CFAP54: variants seen among roughly 807,000 people sequenced by gnomAD.
The protein encoded by CFAP54 is cilia- and flagella-associated protein 54.
A neutral mutation model predicts 370.4 loss-of-function variants in CFAP54; 290 were observed. The ratio of observed to expected loss-of-function variants is 0.78; its 90% CI spans 0.71 to 0.86. The LOEUF is 0.86. Among genes scored for constraint, CFAP54 ranks in the 40% least tolerant of loss-of-function variants. The pLI is 0.00. For synonymous variants in CFAP54, 1,206 were observed against 1,236.5 expected, an observed-to-expected ratio of 0.98 and a Z score of 0.52; for missense variants, 3,399 against 3,528.7, an observed-to-expected ratio of 0.96 and a Z score of 0.93.
intron 63 of CFAP54, among the ~76,000 whole-genome samples, chr12:96,792,750 T>C (rs2136703018): frequency 6.6e-6 from 1 of 152,320 alleles, no homozygotes; most frequent in East Asian, 1.9e-4. Context: ...TTATATATGA[T>C]GCTTAACTTT....
At chr12:96,832,411 A>G (rs182368950) in intron 66 of CFAP54, among the ~76,000 whole-genome samples, 1 of 152,120 alleles carries the variant, frequency 6.6e-6, no homozygotes, top group Admixed American at 6.5e-5. Context: ...AGTTGTGTGA[A>G]CTTGGGCAAG....
chr12:96,850,566 G>A (rs2136454099), intron 66 of CFAP54, among the ~76,000 whole-genome samples: 1 of 152,238 alleles, frequency 6.6e-6, no homozygotes, highest in East Asian at 1.9e-4. Context: ...TGTGGATCCT[G>A]GCTCTGATAC....
intron 23 of CFAP54, among the ~76,000 whole-genome samples, chr12:96,591,531 C>A (rs1175069904): frequency 1.3e-5 from 2 of 152,006 alleles, no homozygotes; most frequent in East Asian, 3.9e-4. Flanking sequence ...GCGATGATAA[C>A]ACTATGGTGG....
chr12:96,875,180 A>G lies in CFAP54; in HGVS notation c.*77A>G, dbSNP rs1376662718. The G allele has an allele frequency of 2.0e-5, 3 of 152,210 alleles. No individual in the cohort carries two copies. Among genetic ancestry groups the G allele is most frequent in the Non-Finnish European group, 4.4e-5 (3 of 68,042 alleles). The allele number at this position is 152,210 out of a possible 1,614,324, so 9.4% of individuals were successfully genotyped here. On this transcript the variant is annotated 3_prime_UTR_variant, in exon 68 of 68. Coordinates refer to ENST00000524981, the MANE Select transcript of CFAP54 (RefSeq NM_001306084.2). The stretch of plus-strand genomic sequence containing the variant: ...ACAGACTGAGGAATTTTTCAGCAAT[A>G]TCTGTCAGCCTTTGGAAATTTGGTG...
chr12:96,489,640 C>G lies in CFAP54; in HGVS notation c.31C>G (p.Pro11Ala). 1.3e-6 allele frequency: 2 copies of G among 1,529,354 alleles called. No individual in the cohort carries two copies. The highest frequency in any genetic ancestry group is 1.2e-5 in the South Asian group (1 of 83,916). The allele number at this position is 1,529,354 out of a possible 1,614,324, so 94.7% of individuals were successfully genotyped here. The change falls in exon 1 of 68, where the codon CCG becomes GCG. Residue 11 changes from proline (P) to alanine (A), a missense_variant. Physicochemically the swap from Pro to Ala is conservative, Grantham distance 27 (BLOSUM62 -1). This residue lies in a region of CFAP54 where 559 missense variants were observed against 576.7 expected (regional missense o/e 0.97). Transcript: ENST00000524981. MAAQGSPSSS[P>A]SDDSTTSGSL... ...GGCGCAGGGCTCCCCCTCGAGCTCTCCGTCAGACGACTCTACCACCTCGGG... is the reference window on the plus strand; with the variant it reads ...GGCGCAGGGCTCCCCCTCGAGCTCTGCGTCAGACGACTCTACCACCTCGGG...
At chr12:96,658,760 T>A (rs1206498910) in intron 38 of CFAP54, among the ~76,000 whole-genome samples, 1 of 152,094 alleles carries the variant, frequency 6.6e-6, no homozygotes, top group Non-Finnish European at 1.5e-5. Flanking sequence ...AGTACATCTC[T>A]ATGATGATGA....
rs551297872 is a variant in CFAP54 at position 96,519,204 on chromosome 12, T to A, written c.942+133T>A. 1.4e-4 allele frequency: 113 copies of A among 822,142 alleles called. No homozygotes were observed. In the African/African-American group the frequency reaches 1.9e-3, roughly 14 times the overall value. The allele number at this position is 822,142 out of a possible 1,614,324, so 50.9% of individuals were successfully genotyped here. ...ACGTCCACCTCCCAGGTTCAAGCGATTCTCCTGCCTCAGCCTCCTGGGTAG... is the reference window on the plus strand; with the variant it reads ...ACGTCCACCTCCCAGGTTCAAGCGAATCTCCTGCCTCAGCCTCCTGGGTAG... On this transcript the variant is annotated intron_variant, in intron 6 of 67. Transcript: ENST00000524981.
intron 61 of CFAP54, among the ~76,000 whole-genome samples, chr12:96,786,138 A>T (rs1958626410): frequency 6.6e-6 from 1 of 151,970 alleles, no homozygotes; most frequent in Non-Finnish European, 1.5e-5. Context: ...GTATGGCACC[A>T]TTGTTAATAC....
At chr12:96,834,125 AAGGGGTGAGAAAGT>A (rs1433073294) in intron 66 of CFAP54, among the ~76,000 whole-genome samples, 6 of 152,136 alleles carry the variant, frequency 3.9e-5, no homozygotes, top group African/African-American at 7.2e-5. Context: ...AGGAGTAAAT[AAGGGGTGAGAAAGT>A]AGGGGTGAGA....
intron 26 of CFAP54, among the ~76,000 whole-genome samples, chr12:96,604,025 A>G (rs181290696): frequency 1.3e-5 from 2 of 152,176 alleles, no homozygotes; most frequent in Non-Finnish European, 2.9e-5. Context: ...GTTCCTTTGG[A>G]GAAGAGGCGT....
chr12:96,580,998 T>C lies in CFAP54; in HGVS notation c.2968T>C (p.Tyr990His), dbSNP rs1956027851. Residue 990 changes from tyrosine to histidine, a missense_variant, in exon 22 of 68, where the codon TAT becomes CAT. Transcript: ENST00000524981. ...AAAGTATGTATTTGCAGTTGCTGCC[T>C]ATTCTAACAACGGAAAGCTTGTCGG... is the stretch of plus-strand genomic sequence containing the variant. Reference protein sequence around the residue: ...NEKYVFAVAAYSNNGKLVGGA... With the variant: ...NEKYVFAVAAHSNNGKLVGGA... 6.5e-7 allele frequency: 1 copy of C among 1,534,336 alleles called. No individual in the cohort carries two copies. The highest frequency in any genetic ancestry group is 8.7e-7 in the Non-Finnish European group (1 of 1,145,830).
chr12:96,491,612 A>G (rs1346732900), intron 1 of CFAP54, among the ~76,000 whole-genome samples: 1 of 152,146 alleles, frequency 6.6e-6, no homozygotes, highest in Non-Finnish European at 1.5e-5. Flanking sequence ...GTGGAAAACC[A>G]TTAAGTGCCT....
chr12:96,642,262 G>A (rs944546179), intron 32 of CFAP54, among the ~76,000 whole-genome samples: 1 of 151,974 alleles, frequency 6.6e-6, no homozygotes, highest in African/African-American at 2.4e-5. Context: ...ACCACAAGAT[G>A]TTCATCTTGT....
intron 4 of CFAP54, among the ~76,000 whole-genome samples, chr12:96,512,301 T>TTATA (rs1165045194): frequency 0.025 from 749 of 30,170 alleles, 24 homozygotes; most frequent in Non-Finnish European, 0.031. Context: ...GGAACCAATT[T>TTATA]TATATATATA....
chr12:96,626,775 A>G (rs1956553293), intron 29 of CFAP54, 38 bp from the exon 30 acceptor site: 2 of 1,172,766 alleles, frequency 1.7e-6, no homozygotes, highest in Non-Finnish European at 2.2e-6. Flanking sequence ...ATAATTGAGT[A>G]TATTGTTAAC....
intron 66 of CFAP54, among the ~76,000 whole-genome samples, chr12:96,830,720 C>G (rs1470612378): frequency 1.3e-5 from 2 of 152,014 alleles, no homozygotes; most frequent in Non-Finnish European, 2.9e-5. Context: ...GCTCTGTCAC[C>G]CAGGCTGGAG....
chr12:96,875,111 C>A lies in CFAP54; in HGVS notation c.*15-7C>A, dbSNP rs1232401778. ...ATTCAAGGTATTACTCTTTTTTCCT[C>A]CTCTAGGGATGATAAAACTGAGAAA... On this transcript the variant is annotated splice_polypyrimidine_tract_variant and splice_region_variant and intron_variant, in intron 67 of 67. Transcript: ENST00000524981. The A allele has an allele frequency of 6.6e-6, 1 of 151,886 alleles. No homozygotes were observed. The highest frequency in any genetic ancestry group is 2.4e-5 in the African/African-American group (1 of 41,358). The allele number at this position is 151,886 out of a possible 1,614,324, so 9.4% of individuals were successfully genotyped here. A position where few individuals can be genotyped will look rare whatever the true frequency, so the allele number is the denominator to read the frequency against.
chr12:96,727,836 A>G (rs1190094845), intron 50 of CFAP54, among the ~76,000 whole-genome samples: 2 of 151,274 alleles, frequency 1.3e-5, no homozygotes, highest in African/African-American at 4.9e-5. Context: ...TTCCATGTTT[A>G]GTGCTTCCTT....
At chr12:96,638,389 C>A (rs1288694663) in intron 32 of CFAP54, among the ~76,000 whole-genome samples, 1 of 151,448 alleles carries the variant, frequency 6.6e-6, no homozygotes, top group African/African-American at 2.4e-5. Flanking sequence ...GCATGTACCA[C>A]CACACCTGGC....
Sources: gnomAD v4.1 joint callset for allele counts (sites outside exome capture counted in the v4.1 genomes callset) on GRCh38, gnomAD v4.1.1 for gene constraint, gnomAD v4.1.1 regional missense constraint, MANE v1.5 for transcripts, NCBI Gene and HGNC (gene_info 2026-07-23, HGNC 2026-07-21) for gene names.